ESRRG: variants seen among roughly 807,000 people sequenced by gnomAD.
The protein encoded by ESRRG is estrogen related receptor gamma, also known as estrogen-related receptor gamma.
In ESRRG, 13 loss-of-function variants were observed where a neutral mutation model predicts 44.0. The ratio of observed to expected loss-of-function variants is 0.30; its 90% CI spans 0.19 to 0.47. ESRRG has a LOEUF of 0.47. Ranked by LOEUF, ESRRG falls within the 20% of genes least tolerant of loss-of-function variation. ESRRG has a pLI of 1.00. For synonymous variants in ESRRG, 215 were observed against 214.6 expected, an observed-to-expected ratio of 1.00 and a Z score of -0.02; for missense variants, 395 against 580.6, an observed-to-expected ratio of 0.68 and a Z score of 3.29.
At chr1:217,113,877 C>T (rs2092688435) in intron 1 of ESRRG, among the ~76,000 whole-genome samples, 1 of 152,008 alleles carries the variant, frequency 6.6e-6, no homozygotes, top group African/African-American at 2.4e-5. Flanking sequence ...CCTGTAGTCC[C>T]AGCTACTCCA....
At chr1:216,775,551 CTTTTTTTTTTTTTTTT>C (rs71163765) in intron 2 of ESRRG, among the ~76,000 whole-genome samples, 30 of 74,830 alleles carry the variant, frequency 4.0e-4, no homozygotes, top group East Asian at 1.5e-3. Flanking sequence ...AATGTCACAT[CTTTTTTTTTTTTTTTT>C]TTTTTTTTTT....
intron 1 of ESRRG, chr1:216,701,431 G>T (rs1421197469): frequency 6.6e-6 from 1 of 152,168 alleles, no homozygotes; most frequent in African/African-American, 2.4e-5. Flanking sequence ...TAACTGCTTC[G>T]TTCCTCTATG....
intron 1 of ESRRG, among the ~76,000 whole-genome samples, chr1:217,056,629 A>G (rs2087153227): frequency 6.6e-6 from 1 of 151,514 alleles, no homozygotes; most frequent in Non-Finnish European, 1.5e-5. Context: ...ACAATTTACA[A>G]TACTATGAGG....
chr1:216,763,378 C>T (rs1167299011), intron 2 of ESRRG, among the ~76,000 whole-genome samples: 6 of 152,140 alleles, frequency 3.9e-5, no homozygotes, highest in South Asian at 2.1e-4. Flanking sequence ...TTGCTCTCAA[C>T]GGCAGTAGTT....
At chr1:216,825,060 C>T (rs921676670) in intron 2 of ESRRG, among the ~76,000 whole-genome samples, 2 of 152,078 alleles carry the variant, frequency 1.3e-5, no homozygotes, top group Non-Finnish European at 2.9e-5. Context: ...TGTTTTTTAC[C>T]AGAGCTTCCC....
chr1:216,845,377 T>G (rs1387035636), intron 2 of ESRRG, among the ~76,000 whole-genome samples: 1 of 152,180 alleles, frequency 6.6e-6, no homozygotes, highest in African/African-American at 2.4e-5. Context: ...TCTCTTCACC[T>G]GGTATAAAGA....
intron 3 of ESRRG, among the ~76,000 whole-genome samples, chr1:216,632,708 T>C (rs536391429): frequency 6.6e-6 from 1 of 151,756 alleles, no homozygotes; most frequent in Non-Finnish European, 1.5e-5. Flanking sequence ...TATTGAAGAG[T>C]TTTTAGGTTT....
intron 2 of ESRRG, among the ~76,000 whole-genome samples, chr1:216,754,862 T>A (rs929049426): frequency 6.6e-6 from 1 of 151,860 alleles, no homozygotes; most frequent in African/African-American, 2.4e-5. Flanking sequence ...TTATAATGGA[T>A]AATTGAGAAC....
chr1:216,574,347 G>A (rs2061327626), intron 3 of ESRRG, among the ~76,000 whole-genome samples: 2 of 152,074 alleles, frequency 1.3e-5, no homozygotes, highest in African/African-American at 4.8e-5. Flanking sequence ...AGGGCAAGGA[G>A]TAAAAAAAAT....
chr1:216,611,211 CAA>C (rs397861468), intron 3 of ESRRG, among the ~76,000 whole-genome samples: 13,655 of 59,228 alleles, frequency 0.23, 573 homozygotes, highest in Non-Finnish European at 0.29. Context: ...ACTCCGTCCT[CAA>C]AAAAAAAAAA....
chr1:216,630,087 G>A (rs770984159), intron 3 of ESRRG, among the ~76,000 whole-genome samples: 1 of 152,208 alleles, frequency 6.6e-6, no homozygotes, highest in Non-Finnish European at 1.5e-5. Context: ...CATTGGGGAA[G>A]TAACTTGACT....
intron 3 of ESRRG, among the ~76,000 whole-genome samples, chr1:216,576,452 G>A (rs544397615): frequency 9.2e-5 from 14 of 151,610 alleles, no homozygotes; most frequent in Non-Finnish European, 1.6e-4. Context: ...GAAGTCTTTC[G>A]TTTTGGTCTC....
intron 1 of ESRRG, among the ~76,000 whole-genome samples, chr1:217,061,962 T>C (rs566843368): frequency 6.6e-6 from 1 of 152,294 alleles, no homozygotes; most frequent in Admixed American, 6.5e-5. Context: ...ACCAATGACA[T>C]GAAACAGCCA....
At chr1:216,825,676 G>A (rs1355507443) in intron 2 of ESRRG, among the ~76,000 whole-genome samples, 1 of 152,182 alleles carries the variant, frequency 6.6e-6, no homozygotes, top group Admixed American at 6.5e-5. Flanking sequence ...GTATGTAGTG[G>A]TAAGCTGGGC....
rs144200564 is a variant in ESRRG, at chr1:217,123,978, T to C, written c.-230+13689A>G. On this transcript the variant is annotated intron_variant, in intron 1 of 8. Coordinates refer to the ESRRG transcript ENST00000366940. The stretch of plus-strand genomic sequence containing the variant: ...CTAGTCTCAAAGCAATCTCCTGGAA[T>C]AAGCTTTCTCTAATTCTTCATGAGC... Among the ~76,000 whole-genome samples, 1,361 of 152,336 alleles carry C rather than the reference T, an allele frequency of 8.9e-3. 7 individuals carry two copies. Among genetic ancestry groups the C allele is most frequent in the Middle Eastern group, 0.041 (12 of 294 alleles).
intron 2 of ESRRG, among the ~76,000 whole-genome samples, chr1:216,809,304 G>A (rs1469300433): frequency 7.1e-6 from 1 of 141,588 alleles, no homozygotes; most frequent in East Asian, 2.0e-4. Context: ...ACTGAACAAG[G>A]GTCTGACTGC....
At chr1:216,748,431 G>T (rs1360629085) in intron 2 of ESRRG, among the ~76,000 whole-genome samples, 1 of 152,080 alleles carries the variant, frequency 6.6e-6, no homozygotes, top group Non-Finnish European at 1.5e-5. Context: ...ATGTGGCCTT[G>T]CTTTCTCTCC....
intron 2 of ESRRG, among the ~76,000 whole-genome samples, chr1:216,835,961 A>G (rs2095558175): frequency 6.6e-6 from 1 of 152,152 alleles, no homozygotes; most frequent in Admixed American, 6.5e-5. Context: ...ATAGAGTCCC[A>G]TTGTATCAAA....
intron 3 of ESRRG, among the ~76,000 whole-genome samples, chr1:216,607,735 C>T (rs949047138): frequency 6.6e-6 from 1 of 152,052 alleles, no homozygotes; most frequent in Non-Finnish European, 1.5e-5. Context: ...GAGGTACAAA[C>T]AAAATAGAAA....
Sources: allele counts gnomAD v4.1 joint callset (sites outside exome capture counted in the v4.1 genomes callset), GRCh38; gene constraint gnomAD v4.1.1; transcripts MANE v1.5; gene names NCBI Gene and HGNC (gene_info 2026-07-23, HGNC 2026-07-21).